The following PAX5 variants were observed in gnomAD, a reference collection of about 807,000 sequenced individuals.
PAX5 encodes paired box 5.
In PAX5, 9 loss-of-function variants were observed where a neutral mutation model predicts 43.7. That is an observed-to-expected ratio of 0.21 (90% CI 0.12 to 0.36). The LOEUF (loss-of-function observed/expected upper bound fraction) is 0.36, where lower values mean the gene tolerates loss of function less well. Among genes scored for constraint, PAX5 ranks in the 10% least tolerant of loss-of-function variants. PAX5 has a pLI of 1.00. For missense variants in PAX5, 383 were observed against 532.7 expected (o/e 0.72, Z 2.77); for synonymous variants, 228 against 214.3 (o/e 1.06, Z -0.56).
intron 6 of PAX5, among the ~76,000 whole-genome samples, chr9:36,944,995 G>A (rs1002244120): frequency 2.6e-5 from 4 of 152,154 alleles, no homozygotes; most frequent in Non-Finnish European, 4.4e-5. Context: ...CTGAAGCCAC[G>A]CAGAGTGAGC....
In PAX5 at chr9:36,848,399, C is replaced by T. The variant is rs187026611; in HGVS notation, c.1013-1470G>A. Among the ~76,000 whole-genome samples, 267 of 146,446 alleles carry T rather than the reference C, an allele frequency of 1.8e-3. 1 individual carries two copies. Among genetic ancestry groups the T allele is most frequent in the Admixed American group, 3.0e-3 (44 of 14,714 alleles). On this transcript the variant is annotated intron_variant, in intron 8 of 9. Coordinates refer to ENST00000358127, the MANE Select transcript of PAX5 (RefSeq NM_016734.3). ...ACACACACATGCTCGCGCTCCTCCTCGGGCCTCTCTGGGGGCCACTCCCAG... is the reference window on the plus strand; with the variant it reads ...ACACACACATGCTCGCGCTCCTCCTTGGGCCTCTCTGGGGGCCACTCCCAG...
chr9:36,935,773 A>G (rs899616154), intron 6 of PAX5, among the ~76,000 whole-genome samples: 2 of 152,226 alleles, frequency 1.3e-5, no homozygotes, highest in Admixed American at 6.5e-5. Context: ...GGAACTCACT[A>G]CTTTCCGAGG....
chr9:36,866,847 C>A (rs73451169), intron 8 of PAX5, among the ~76,000 whole-genome samples: 2,127 of 152,258 alleles, frequency 0.014, 55 homozygotes, highest in African/African-American at 0.048. Context: ...AGCTACAGAA[C>A]ACACAACGGC....
In PAX5 at chr9:36,972,786, G is replaced by A. The variant is rs535259827; in HGVS notation, c.605-6062C>T. Among the ~76,000 whole-genome samples the A allele has an allele frequency of 3.3e-5, 5 of 152,268 alleles. No homozygotes were observed. The South Asian group carries it at 6.2e-4, about 19-fold the overall frequency. On this transcript the variant is annotated intron_variant, in intron 5 of 9. Transcript: ENST00000358127. ...CTTATGCCTATAATCCCAGCACTTT[G>A]GGAGGCCGAGGCAGGCAAATCACTT...
At chr9:36,979,704 C>A (rs776295761) in intron 5 of PAX5, among the ~76,000 whole-genome samples, 6 of 152,168 alleles carry the variant, frequency 3.9e-5, no homozygotes, top group Non-Finnish European at 8.8e-5. Flanking sequence ...TGGTGTCTCA[C>A]CTCCTCAGTG....
At chr9:36,866,174 G>A (rs999266065) in intron 8 of PAX5, among the ~76,000 whole-genome samples, 3 of 152,228 alleles carry the variant, frequency 2.0e-5, no homozygotes, top group East Asian at 1.9e-4. Context: ...CGGGCGGGCC[G>A]GGCCTCACCA....
chr9:36,924,839 A>AAGAGAAGGAAGGAGGGAAGG (rs1563973826), intron 6 of PAX5, among the ~76,000 whole-genome samples: 1 of 3,804 alleles, frequency 2.6e-4, no homozygotes, highest in African/African-American at 1.8e-3. Flanking sequence ...AAGGGAGAGA[A>AAGAGAAGGAAGGAGGGAAGG]AGGGAGGGAG....
intron 6 of PAX5, among the ~76,000 whole-genome samples, chr9:36,939,965 T>C (rs1429932800): frequency 6.6e-6 from 1 of 152,210 alleles, no homozygotes; most frequent in East Asian, 1.9e-4. Flanking sequence ...TGGGGCTGCC[T>C]AGTCCCCTGG....
chr9:36,939,103 C>T (rs752748933), intron 6 of PAX5, among the ~76,000 whole-genome samples: 5 of 152,246 alleles, frequency 3.3e-5, no homozygotes, highest in South Asian at 2.1e-4. Context: ...GTCCCCTTCT[C>T]AGCGGGAGTA....
At chr9:37,002,817 G>A (rs1342693378) in intron 4 of PAX5, 41 bp from the exon 5 acceptor site, 2 of 1,575,662 alleles carry the variant, frequency 1.3e-6, no homozygotes, top group Non-Finnish European at 1.7e-6. Flanking sequence ...GCAGAGGGCT[G>A]AGGGCGGCGG....
chr9:36,881,587 T>C (rs116894748), intron 8 of PAX5, among the ~76,000 whole-genome samples: 2,756 of 151,398 alleles, frequency 0.018, 32 homozygotes, highest in Middle Eastern at 0.068. Context: ...CCCCAAGGAG[T>C]GAGGCCACCG....
intron 3 of PAX5, among the ~76,000 whole-genome samples, chr9:37,011,140 A>AG (rs1838896503): frequency 6.6e-6 from 1 of 151,762 alleles, no homozygotes; most frequent in South Asian, 2.1e-4. Flanking sequence ...AAAAAAAAAA[A>AG]AAAAAAAGAA....
intron 2 of PAX5, among the ~76,000 whole-genome samples, chr9:37,020,318 G>A (rs1839747400): frequency 6.6e-6 from 1 of 152,036 alleles, no homozygotes; most frequent in Non-Finnish European, 1.5e-5. Flanking sequence ...AGTCCTACGC[G>A]GGGACCCAGG....
chr9:36,952,420 A>T lies in PAX5; in HGVS notation c.780+14129T>A, dbSNP rs544945240. Among the ~76,000 whole-genome samples, 30 of 151,824 alleles carry T rather than the reference A, an allele frequency of 2.0e-4. 1 individual carries two copies. The South Asian group carries it at 6.1e-3, about 31-fold the overall frequency. On this transcript the variant is annotated intron_variant, in intron 6 of 9. Transcript: ENST00000358127. ...ATGCCTAGCTAATTTTTTGCATTTT[A>T]GTAGAGACGGGGTTTCAATATGTTC...
intron 8 of PAX5, among the ~76,000 whole-genome samples, chr9:36,866,475 T>C (rs1198133485): frequency 1.3e-5 from 2 of 152,156 alleles, no homozygotes; most frequent in Admixed American, 6.5e-5. Context: ...TAAGAGAAGA[T>C]GTTTTTGTAG....
chr9:36,991,728 G>A (rs1177128013), intron 5 of PAX5, among the ~76,000 whole-genome samples: 1 of 152,122 alleles, frequency 6.6e-6, no homozygotes, highest in Non-Finnish European at 1.5e-5. Flanking sequence ...ACCCTGGACA[G>A]CAACTAAGCT....
At chr9:36,864,381 T>TA (rs1824588465) in intron 8 of PAX5, 1 of 153,670 alleles carries the variant, frequency 6.5e-6, no homozygotes, top group African/African-American at 2.4e-5. Flanking sequence ...GGTCCAGGTA[T>TA]GGGGGAGGGC....
chr9:36,898,472 C>A (rs796190736), intron 7 of PAX5, among the ~76,000 whole-genome samples: 2 of 152,254 alleles, frequency 1.3e-5, no homozygotes, highest in African/African-American at 4.8e-5. Context: ...GGCCCCAGAA[C>A]CCCAGCAACC....
At chr9:36,898,087 T>C (rs977870655) in intron 7 of PAX5, among the ~76,000 whole-genome samples, 1 of 152,190 alleles carries the variant, frequency 6.6e-6, no homozygotes, top group African/African-American at 2.4e-5. Flanking sequence ...CCATGGTTTG[T>C]TCCTGGGTTT....
Sources: gnomAD v4.1 joint callset for allele counts (sites outside exome capture counted in the v4.1 genomes callset) on GRCh38, gnomAD v4.1.1 for gene constraint, MANE v1.5 for transcripts, NCBI Gene and HGNC (gene_info 2026-07-23, HGNC 2026-07-21) for gene names.